The following FPGS variants were observed in gnomAD, a reference collection of about 807,000 sequenced individuals.
FPGS encodes the protein folylpolyglutamate synthase.
Under a neutral mutation model 66.5 loss-of-function variants are expected in FPGS, and 53 were observed. That is an observed-to-expected ratio of 0.80 (90% CI 0.64 to 1.00). The LOEUF (loss-of-function observed/expected upper bound fraction) is 1.00. Ranked by LOEUF, FPGS falls within the 50% of genes least tolerant of loss-of-function variation. The pLI, the probability that FPGS is intolerant of heterozygous loss-of-function variation, is 0.00. For missense variants in FPGS, 702 were observed against 807.7 expected, an observed-to-expected ratio of 0.87 and a Z score of 1.59; for synonymous variants, 348 against 350.9, an observed-to-expected ratio of 0.99 and a Z score of 0.09.
Position 127,813,600 on chromosome 9 carries a change from A to G in FPGS, c.1760A>G (p.Gln587Arg), listed in dbSNP as rs754688500. The change falls in exon 15 of 15, where the codon CAG becomes CGG. Residue 587 changes from glutamine to arginine, a missense_variant. Coordinates refer to ENST00000373247, the MANE Select transcript of FPGS (RefSeq NM_004957.6). ...AAGCTGCTGGAGCCCGCACTGTCCC[A>G]GTAGCCAAGGCCCGGGGTTGGAGGT... The part of the protein sequence containing the change: ...VLKLLEPALS[Q>R] 10 of 1,517,064 alleles carry G rather than the reference A, an allele frequency of 6.6e-6. No homozygotes were observed. The highest frequency in any genetic ancestry group is 8.8e-6 in the Non-Finnish European group (10 of 1,130,600). The allele number at this position is 1,517,064 out of a possible 1,614,324, so 94.0% of individuals were successfully genotyped here. A position where few individuals can be genotyped will look rare whatever the true frequency, so the allele number is the denominator to read the frequency against.
chr9:127,804,560 G>T lies in FPGS; in HGVS notation c.321+8G>T. On this transcript the variant is annotated splice_region_variant and intron_variant, in intron 3 of 14. Transcript: ENST00000373247. Reference sequence around the variant, plus strand: ...ACTGGGACGAAGGGGAAGGTGAGGGGCAGGACCCTGGGGTAGGGGGTCTAT... The same window carrying T: ...ACTGGGACGAAGGGGAAGGTGAGGGTCAGGACCCTGGGGTAGGGGGTCTAT... 6.2e-7 allele frequency: 1 copy of T among 1,614,196 alleles called. No homozygotes were observed. Among genetic ancestry groups the T allele is most frequent in the Non-Finnish European group, 8.5e-7 (1 of 1,180,008 alleles).
chr9:127,809,563 G>A (rs1829969824), intron 11 of FPGS, 121 bp from the exon 12 acceptor site: 3 of 941,096 alleles, frequency 3.2e-6, no homozygotes, highest in African/African-American at 3.5e-5. Context: ...TGGGCTGCCG[G>A]GGTCCTGAGT....
Position 127,803,053 on chromosome 9 carries a change from G to T in FPGS, c.129G>T (p.Met43Ile). The change falls in exon 1 of 15, where the codon ATG (methionine) becomes ATT (isoleucine). Residue 43 changes from methionine (M) to isoleucine (I), a missense_variant. By Grantham distance (10) the Met-to-Ile change is conservative. Around this residue, in one of 3 missense-constraint regions of FPGS, gnomAD observed 111 missense variants for 95.4 expected, o/e 1.16. Transcript: ENST00000373247. ...SAWPVPQEPSMEYQDAVRMLN... is the reference protein window; with the variant it reads ...SAWPVPQEPSIEYQDAVRMLN... ...GGCCGGTGCCGCAGGAGCCGAGCAT[G>T]GAGTACCAGGTATCAGGCGGGCCAG... 1 of 1,421,396 alleles carries T rather than the reference G, an allele frequency of 7.0e-7. No homozygotes were observed. The allele number at this position is 1,421,396 out of a possible 1,614,324, so 88.0% of individuals were successfully genotyped here. A position where few individuals can be genotyped will look rare whatever the true frequency, so the allele number is the denominator to read the frequency against.
intron 1 of FPGS, 22 bp from the exon 2 acceptor site, chr9:127,804,263 A>C (rs541685025): frequency 6.2e-6 from 10 of 1,611,868 alleles, no homozygotes; most frequent in South Asian, 1.1e-5. Context: ...TTAACCTACT[A>C]TCTGGGCACT....
downstream of FPGS, chr9:127,814,318 A>C (rs4451422): frequency 0.42 from 94,877 of 226,298 alleles, 20,447 homozygotes; most frequent in East Asian, 0.69. Context: ...AGAATTATAC[A>C]CATTTGACAG....
intron 3 of FPGS, 30 bp from the exon 4 acceptor site, chr9:127,804,606 G>T: frequency 6.2e-7 from 1 of 1,614,080 alleles, no homozygotes; most frequent in Non-Finnish European, 8.5e-7. Context: ...GTGGAGTAGA[G>T]CCTGCCCAGA....
chr9:127,813,182 C>G lies in FPGS; in HGVS notation c.1355-13C>G, dbSNP rs1236505427. ...CTCCCCTTCGCTGATAGGCCTTTCTCTGTGCCCCACAGACCAACAGAACTT... is the reference window on the plus strand; with the variant it reads ...CTCCCCTTCGCTGATAGGCCTTTCTGTGTGCCCCACAGACCAACAGAACTT... On this transcript the variant is annotated splice_polypyrimidine_tract_variant and intron_variant, in intron 14 of 14. Transcript: ENST00000373247. 1.9e-6 allele frequency: 3 copies of G among 1,551,618 alleles called. No homozygotes were observed. Among genetic ancestry groups the G allele is most frequent in the East Asian group, 2.3e-5 (1 of 44,022 alleles).
rs377759838 is a variant in FPGS at position 127,807,555 on chromosome 9, C to T, written c.642-31C>T. 1.9e-6 allele frequency: 3 copies of T among 1,611,814 alleles called. No homozygotes were observed. In the African/African-American group the frequency reaches 4.0e-5, roughly 22 times the overall value. On this transcript the variant is annotated intron_variant, in intron 7 of 14. Transcript: ENST00000373247. The surrounding 1 kb of genome is among the most constrained non-coding windows in gnomAD (Gnocchi z 5.8). ...TCACCTGCCGCCTGGTGGCTCAGGGCAGGGCCTCATGGCCTTTTCCTCCCC... is the reference window on the plus strand; with the variant it reads ...TCACCTGCCGCCTGGTGGCTCAGGGTAGGGCCTCATGGCCTTTTCCTCCCC...
At chr9:127,813,114 A>T in intron 14 of FPGS, 81 bp from the exon 15 acceptor site, 1 of 1,495,744 alleles carries the variant, frequency 6.7e-7, no homozygotes, top group South Asian at 1.4e-5. Context: ...GCAGGTGCTC[A>T]CGGTGCACCC....
chr9:127,804,831 C>A, intron 4 of FPGS, 131 bp downstream of exon 4: 1 of 813,228 alleles, frequency 1.2e-6, no homozygotes, highest in East Asian at 2.5e-5. Context: ...AGTGTTTATT[C>A]ATTCAATAAA....
Position 127,810,983 on chromosome 9 carries a change from G to A in FPGS, c.1326G>A (p.Leu442=). ...QFDYAVFCPN[L]TEVSSTGNAD... is the part of the protein sequence containing the mutation. ...ACTATGCCGTCTTCTGCCCTAACCT[G>A]ACAGAGGTGTCATCCACAGGCAACG... The change falls in exon 14 of 15, where the codon CTG becomes CTA. Residue 442 remains leucine, a synonymous_variant. Coordinates refer to ENST00000373247, the MANE Select transcript of FPGS (RefSeq NM_004957.6). 1 of 1,590,314 alleles carries A rather than the reference G, an allele frequency of 6.3e-7. No individual in the cohort carries two copies.
rs555199289 is a variant in FPGS at position 127,807,393 on chromosome 9, C to G, written c.580-28C>G. 6.2e-7 allele frequency: 1 copy of G among 1,613,222 alleles called. No homozygotes were observed. Among genetic ancestry groups the G allele is most frequent in the South Asian group, 1.1e-5 (1 of 91,040 alleles). ...TGCGGCCTCTGGGCACCCTCATATCCCCTGCCATGCCCTCTGGTCTTTGAC... is the reference window on the plus strand; with the variant it reads ...TGCGGCCTCTGGGCACCCTCATATCGCCTGCCATGCCCTCTGGTCTTTGAC... On this transcript the variant is annotated intron_variant, in intron 6 of 14. Coordinates refer to ENST00000373247, the MANE Select transcript of FPGS (RefSeq NM_004957.6). This position sits in a 1 kb window ranked among gnomAD's most constrained non-coding sequence, Gnocchi z 5.8.
rs776150249 is a variant in FPGS, at chr9:127,808,644, G to A, written c.909G>A (p.Arg303=). ...TGGGCCTGGAGGGGGAGCACCAGCG[G>A]TCCAACGCCGCCTTGGCCTTGCAGC... ...LTLGLEGEHQ[R]SNAALALQLA... The change falls in exon 10 of 15, where the codon CGG becomes CGA. Residue 303 remains arginine, a synonymous_variant. Coordinates refer to ENST00000373247, the MANE Select transcript of FPGS (RefSeq NM_004957.6). The A allele has an allele frequency of 4.4e-6, 7 of 1,608,810 alleles. 1 individual carries two copies. The South Asian group carries it at 6.6e-5, about 15-fold the overall frequency.
rs1007505444 is a variant in FPGS at position 127,813,856 on chromosome 9, AGCCTGTCTCCCCCAACACCCC to A, written c.*258_*278del. 65 of 1,227,588 alleles carry A rather than the reference AGCCTGTCTCCCCCAACACCCC, an allele frequency of 5.3e-5. No homozygotes were observed. The highest frequency in any genetic ancestry group is 1.7e-4 in the Admixed American group (4 of 23,120). 76.0% of individuals were successfully genotyped at this position (1,227,588 alleles called of 1,614,324 possible). On this transcript the variant is annotated 3_prime_UTR_variant, in exon 15 of 15. Transcript: ENST00000373247. ...CACTGTTGCAGTGGCCTGGCCGTTC[AGCCTGTCTCCCCCAACACCCC>A]GCCTGCCTCCTGGCTCAGGCCCAGC...
chr9:127,803,484 A>T (rs557716733), intron 1 of FPGS: 32 of 896,472 alleles, frequency 3.6e-5, no homozygotes, highest in Admixed American at 2.5e-4. Flanking sequence ...GATTCAGAAG[A>T]TTGGGGATCC....
At position 127,809,844 on chromosome 9, in the gene FPGS, A is replaced by G. The variant is rs7027767; in HGVS notation, c.1211+10A>G. The G allele has an allele frequency of 0.49, 605,824 of 1,233,522 alleles. 132,150 individuals are homozygous for G. The highest frequency in any genetic ancestry group is 0.72 in the East Asian group (25,615 of 35,764). The allele number at this position is 1,233,522 out of a possible 1,614,324, so 76.4% of individuals were successfully genotyped here. On this transcript the variant is annotated intron_variant, in intron 12 of 14. Coordinates refer to ENST00000373247, the MANE Select transcript of FPGS (RefSeq NM_004957.6). ...GCGAGAGGCCGAGCGGGTGAGGGGC[A>G]GGGCTGGGGGTGGGGCCGGGGCTGG...
chr9:127,808,161 G>T, intron 8 of FPGS, 73 bp from the exon 9 acceptor site: 1 of 1,130,614 alleles, frequency 8.8e-7, no homozygotes. Context: ...CCCAGACCCA[G>T]GGATGTGGGG....
chr9:127,804,336 C>T lies in FPGS; in HGVS notation c.190C>T (p.Gln64Ter). ...TLQTNAGYLE[Q>*]VKRQRGDPQT... is the part of the protein sequence containing the mutation. ...GCAGACCAATGCCGGCTACCTGGAG[C>T]AGGTGAAGCGCCAGCGGGGTGACCC... is the stretch of plus-strand genomic sequence containing the variant. The change falls in exon 2 of 15, where the codon CAG (glutamine) becomes TAG (stop). Residue 64 changes from glutamine (Q) to a stop codon, truncating the protein, a stop_gained. Coordinates refer to ENST00000373247, the MANE Select transcript of FPGS (RefSeq NM_004957.6). LOFTEE classifies it high-confidence loss of function. The T allele has an allele frequency of 6.2e-7, 1 of 1,614,200 alleles. No individual in the cohort carries two copies. The highest frequency in any genetic ancestry group is 8.5e-7 in the Non-Finnish European group (1 of 1,180,028).
chr9:127,810,428 G>A (rs1030275940), intron 13 of FPGS, among the ~76,000 whole-genome samples: 35 of 152,038 alleles, frequency 2.3e-4, no homozygotes, highest in Non-Finnish European at 2.9e-5. Flanking sequence ...GCATTTCCCC[G>A]AGCCTCAGTT....
Sources: allele counts gnomAD v4.1 joint callset (sites outside exome capture counted in the v4.1 genomes callset), GRCh38; gene constraint gnomAD v4.1.1; regional missense constraint gnomAD v4.1.1; non-coding constraint Gnocchi (gnomAD v3.1); transcripts MANE v1.5; gene names NCBI Gene and HGNC (gene_info 2026-07-23, HGNC 2026-07-21).